Variants in MGAT5 observed in about 807,000 individuals in gnomAD.
MGAT5 encodes alpha-1,6-mannosylglycoprotein 6-beta-N-acetylglucosaminyltransferase A.
In MGAT5, 30 loss-of-function variants were observed where a neutral mutation model predicts 94.3. The ratio of observed to expected loss-of-function variants is 0.32; its 90% CI spans 0.24 to 0.43. MGAT5 has a LOEUF of 0.43. Ranked by LOEUF, MGAT5 falls within the 20% of genes least tolerant of loss-of-function variation. The probability of loss-of-function intolerance (pLI) is 1.00; values close to 1 mark genes in which losing one functional copy is unlikely to be tolerated. For synonymous variants in MGAT5, 310 were observed against 322.9 expected (o/e 0.96, Z 0.43); for missense variants, 691 against 905.5 (o/e 0.76, Z 3.04).
At chr2:134,301,970 T>C (rs1406527761) in intron 2 of MGAT5, among the ~76,000 whole-genome samples, 1 of 152,138 alleles carries the variant, frequency 6.6e-6, no homozygotes, top group East Asian at 1.9e-4. Context: ...CCAAAAAAAT[T>C]CTTAAATAGT....
At chr2:134,262,334 C>A (rs1475709365) in intron 1 of MGAT5, among the ~76,000 whole-genome samples, 8 of 152,366 alleles carry the variant, frequency 5.3e-5, no homozygotes, top group Non-Finnish European at 1.5e-5. Flanking sequence ...CCCTCCCAGA[C>A]TCAAGCCTTA....
At chr2:134,328,086 G>A (rs192480033) in intron 4 of MGAT5, among the ~76,000 whole-genome samples, 1 of 152,194 alleles carries the variant, frequency 6.6e-6, no homozygotes, top group East Asian at 1.9e-4. Context: ...TGCTTCTCAT[G>A]TATAAGGGAA....
chr2:134,120,079 C>T (rs1241581518), upstream of MGAT5: 1 of 152,340 alleles, frequency 6.6e-6, no homozygotes, highest in Non-Finnish European at 1.5e-5. Flanking sequence ...GTGGACGCGC[C>T]GCGCGCGGCC....
intron 1 of MGAT5, among the ~76,000 whole-genome samples, chr2:134,242,195 A>G (rs752263011): frequency 1.1e-4 from 17 of 152,246 alleles, no homozygotes; most frequent in Non-Finnish European, 1.8e-4. Flanking sequence ...TGTGTTGGGT[A>G]GCTGCATAAG....
intron 13 of MGAT5, among the ~76,000 whole-genome samples, chr2:134,426,492 G>A (rs911904775): frequency 5.3e-5 from 8 of 152,064 alleles, no homozygotes; most frequent in Non-Finnish European, 7.4e-5. Flanking sequence ...TTGGGTACTC[G>A]GCGTGCTTCC....
intron 10 of MGAT5, among the ~76,000 whole-genome samples, chr2:134,367,219 T>A (rs1191265983): frequency 6.6e-6 from 1 of 152,178 alleles, no homozygotes; most frequent in Non-Finnish European, 1.5e-5. Flanking sequence ...TCTAAATACA[T>A]GTTTGCTGCT....
chr2:134,374,504 G>A (rs892745681), intron 10 of MGAT5, among the ~76,000 whole-genome samples: 1 of 152,218 alleles, frequency 6.6e-6, no homozygotes, highest in Non-Finnish European at 1.5e-5. Context: ...TCAATTGCAA[G>A]AAAGGGTATT....
At chr2:134,219,784 G>C (rs754358714) in intron 1 of MGAT5, among the ~76,000 whole-genome samples, 2 of 152,190 alleles carry the variant, frequency 1.3e-5, no homozygotes, top group Non-Finnish European at 2.9e-5. Flanking sequence ...TTGAATTTGG[G>C]AACTTCTGGT....
intron 1 of MGAT5, among the ~76,000 whole-genome samples, chr2:134,161,365 T>C (rs1294374416): frequency 6.6e-6 from 1 of 152,138 alleles, no homozygotes; most frequent in African/African-American, 2.4e-5. Flanking sequence ...TTTTCAGCTT[T>C]GTGTTATCAG....
chr2:134,373,395 T>C (rs1680944361), intron 10 of MGAT5, among the ~76,000 whole-genome samples: 1 of 152,178 alleles, frequency 6.6e-6, no homozygotes, highest in Non-Finnish European at 1.5e-5. Context: ...TGACAGCGCG[T>C]TCTTGAAGGG....
chr2:134,189,602 G>GTTTTTTTTTTTTTGTTTTTTTTTTT (rs1553490382), intron 1 of MGAT5, among the ~76,000 whole-genome samples: 1 of 84,672 alleles, frequency 1.2e-5, no homozygotes, highest in Admixed American at 1.3e-4. Context: ...GTTTTTTTTT[G>GTTTTTTTTTTTTTGTTTTTTTTTTT]TTTTTTTTTT....
intron 14 of MGAT5, among the ~76,000 whole-genome samples, chr2:134,432,581 G>A (rs1684942856): frequency 6.6e-6 from 1 of 152,200 alleles, no homozygotes; most frequent in South Asian, 2.1e-4. Flanking sequence ...GTTTACTCTT[G>A]AGAAATCAAT....
chr2:134,415,283 A>G (rs545393471), intron 12 of MGAT5, among the ~76,000 whole-genome samples: 1 of 152,156 alleles, frequency 6.6e-6, no homozygotes, highest in South Asian at 2.1e-4. Flanking sequence ...GACACTTGTT[A>G]TCTTTTGTCT....
intron 1 of MGAT5, among the ~76,000 whole-genome samples, chr2:134,226,803 G>T (rs1681088462): frequency 1.3e-5 from 2 of 152,128 alleles, no homozygotes; most frequent in Non-Finnish European, 2.9e-5. Context: ...GGGGTTTATG[G>T]TTCTTTAGTA....
chr2:134,343,880 G>A (rs2106015393), intron 7 of MGAT5, among the ~76,000 whole-genome samples: 1 of 145,832 alleles, frequency 6.9e-6, no homozygotes, highest in South Asian at 2.3e-4. Context: ...GACTGAAAAT[G>A]TATGGCCTGC....
intron 1 of MGAT5, among the ~76,000 whole-genome samples, chr2:134,218,728 A>G (rs1407481436): frequency 6.6e-6 from 1 of 152,198 alleles, no homozygotes; most frequent in African/African-American, 2.4e-5. Context: ...AGACTAGCCC[A>G]GATTCAAAGG....
At chr2:134,265,053 T>A (rs917077511) in intron 1 of MGAT5, among the ~76,000 whole-genome samples, 1 of 152,246 alleles carries the variant, frequency 6.6e-6, no homozygotes, top group African/African-American at 2.4e-5. Flanking sequence ...ATTTAGTGTG[T>A]TGAAGATGCA....
chr2:134,373,778 T>C (rs1433450681), intron 10 of MGAT5, among the ~76,000 whole-genome samples: 1 of 152,106 alleles, frequency 6.6e-6, no homozygotes, highest in Non-Finnish European at 1.5e-5. Flanking sequence ...AGTCCAGGCA[T>C]GGAGAGACAG....
chr2:134,409,135 A>G (rs1209744075), intron 11 of MGAT5, among the ~76,000 whole-genome samples: 2 of 152,320 alleles, frequency 1.3e-5, no homozygotes, highest in East Asian at 3.9e-4. Flanking sequence ...TAAGGCCATG[A>G]TATGCAGCTG....
Sources: gnomAD v4.1 joint callset for allele counts (sites outside exome capture counted in the v4.1 genomes callset) on GRCh38, gnomAD v4.1.1 for gene constraint, MANE v1.5 for transcripts, NCBI Gene and HGNC (gene_info 2026-07-23, HGNC 2026-07-21) for gene names.